PPARG: variants seen among roughly 807,000 people sequenced by gnomAD.
PPARG encodes peroxisome proliferator activated receptor gamma.
Under a neutral mutation model 39.2 loss-of-function variants are expected in PPARG, and 17 were observed. The observed-to-expected ratio is 0.43, with a 90% CI of 0.30 to 0.65. The LOEUF (loss-of-function observed/expected upper bound fraction) is 0.65. PPARG is among the 30% of genes least tolerant of loss of function. PPARG has a pLI of 0.13. For synonymous variants in PPARG, 223 were observed against 215.7 expected (o/e 1.03, Z -0.30); for missense variants, 406 against 585.9 (o/e 0.69, Z 3.17).
intron 2 of PPARG, among the ~76,000 whole-genome samples, chr3:12,358,580 C>G (rs2125111039): frequency 6.6e-6 from 1 of 152,238 alleles, no homozygotes. Context: ...TTACCTAAAG[C>G]CCTGCCTTTA....
intron 2 of PPARG, among the ~76,000 whole-genome samples, chr3:12,359,043 G>A (rs1165664361): frequency 6.6e-6 from 1 of 152,102 alleles, no homozygotes; most frequent in East Asian, 1.9e-4. Flanking sequence ...GATTATTTCA[G>A]GACATGTTAG....
Position 12,369,194 on chromosome 3 carries a change from A to G in PPARG, c.-8-10510A>G, listed in dbSNP as rs115624065. On this transcript the variant is annotated intron_variant, in intron 2 of 7. Transcript: ENST00000651735. ...CATTTACCTTCCTATCTCTAGAATA[A>G]CATACTTACATTAATGGCCAGGCAT... Among the ~76,000 whole-genome samples the G allele has an allele frequency of 7.3e-3, 1,105 of 152,216 alleles. 14 individuals carry two copies. Among genetic ancestry groups the G allele is most frequent in the Admixed American group, 0.012 (177 of 15,280 alleles).
At chr3:12,303,400 C>T (rs192428606) in intron 1 of PPARG, among the ~76,000 whole-genome samples, 1 of 152,198 alleles carries the variant, frequency 6.6e-6, no homozygotes, top group African/African-American at 2.4e-5. Context: ...GGGGTTTCGC[C>T]ATATTAGCTA....
intron 4 of PPARG, among the ~76,000 whole-genome samples, chr3:12,390,994 GAAT>G (rs1172378256): frequency 2.0e-5 from 3 of 152,024 alleles, no homozygotes; most frequent in Non-Finnish European, 4.4e-5. Context: ...CCAAAATTGA[GAAT>G]AATGATTACT....
intron 7 of PPARG, among the ~76,000 whole-genome samples, chr3:12,427,899 A>T (rs1380810946): frequency 1.3e-5 from 2 of 152,074 alleles, no homozygotes; most frequent in Non-Finnish European, 2.9e-5. Flanking sequence ...CTGCAATCAC[A>T]TTTGTTTTGT....
At chr3:12,358,117 A>G (rs1283080648) in intron 2 of PPARG, among the ~76,000 whole-genome samples, 1 of 152,228 alleles carries the variant, frequency 6.6e-6, no homozygotes, top group Non-Finnish European at 1.5e-5. Flanking sequence ...GTTAATTTGC[A>G]CCGTGTCCCT....
intron 1 of PPARG, among the ~76,000 whole-genome samples, chr3:12,307,942 G>C (rs539298533): frequency 6.6e-6 from 1 of 152,194 alleles, no homozygotes; most frequent in African/African-American, 2.4e-5. Flanking sequence ...GATGTGTTAT[G>C]AGTCACAGTG....
intron 2 of PPARG, among the ~76,000 whole-genome samples, chr3:12,342,796 T>G (rs2048220674): frequency 7.0e-6 from 1 of 142,638 alleles, no homozygotes; most frequent in Non-Finnish European, 1.6e-5. Flanking sequence ...TGAAAGGTGG[T>G]TTTTTTTTTT....
chr3:12,293,025 C>T (rs183050228), intron 1 of PPARG, among the ~76,000 whole-genome samples: 3 of 152,304 alleles, frequency 2.0e-5, no homozygotes, highest in Admixed American at 1.3e-4. Flanking sequence ...AGTGGGGAGC[C>T]GTGTTATCTT....
intron 1 of PPARG, chr3:12,301,761 C>T (rs1278780086): frequency 1.3e-5 from 2 of 152,228 alleles, no homozygotes; most frequent in East Asian, 1.9e-4. Flanking sequence ...TGTTCAGCTA[C>T]TAGGGCAAAG....
At chr3:12,310,816 A>G (rs921307868) in intron 1 of PPARG, among the ~76,000 whole-genome samples, 1 of 147,918 alleles carries the variant, frequency 6.8e-6, no homozygotes, top group Non-Finnish European at 1.5e-5. Context: ...AAAAAAAAAA[A>G]AAAAAAAACC....
intron 7 of PPARG, among the ~76,000 whole-genome samples, chr3:12,427,932 A>G (rs1162959316): frequency 6.6e-6 from 1 of 152,142 alleles, no homozygotes; most frequent in Non-Finnish European, 1.5e-5. Flanking sequence ...TTTGGTTTTG[A>G]ACGCCCTAGG....
intron 1 of PPARG, among the ~76,000 whole-genome samples, chr3:12,306,819 G>A (rs373114520): frequency 1.3e-5 from 2 of 152,144 alleles, no homozygotes; most frequent in South Asian, 2.1e-4. Context: ...CCGCTGGGCC[G>A]GGCGCGGTGG....
intron 7 of PPARG, 79 bp from the exon 8 acceptor site, chr3:12,433,819 C>G: frequency 6.2e-7 from 1 of 1,600,338 alleles, no homozygotes; most frequent in Non-Finnish European, 8.5e-7. Flanking sequence ...CTTGGTAGAG[C>G]TGCCTAGGCC....
chr3:12,409,488 C>T (rs753736802), intron 6 of PPARG, among the ~76,000 whole-genome samples: 18 of 151,774 alleles, frequency 1.2e-4, no homozygotes, highest in Non-Finnish European at 1.3e-4. Flanking sequence ...GGTCATGTTA[C>T]TCATTTGATA....
At chr3:12,330,956 G>A (rs532591616) in intron 2 of PPARG, among the ~76,000 whole-genome samples, 24 of 152,264 alleles carry the variant, frequency 1.6e-4, no homozygotes, top group Admixed American at 1.4e-3. Context: ...AATCTAAAAG[G>A]TCATTAGAAA....
intron 2 of PPARG, among the ~76,000 whole-genome samples, chr3:12,337,626 C>A (rs1476531041): frequency 3.3e-5 from 5 of 152,154 alleles, no homozygotes; most frequent in Non-Finnish European, 5.9e-5. Flanking sequence ...TGCCTGAATT[C>A]ATAAACCGAG....
chr3:12,321,592 C>G (rs1466555529), intron 2 of PPARG, among the ~76,000 whole-genome samples: 2 of 152,278 alleles, frequency 1.3e-5, no homozygotes, highest in Admixed American at 1.3e-4. Context: ...CAGATTAACT[C>G]TCTGACCAAG....
intron 6 of PPARG, among the ~76,000 whole-genome samples, chr3:12,410,158 G>GA (rs1265009408): frequency 2.0e-5 from 3 of 152,202 alleles, no homozygotes; most frequent in African/African-American, 7.2e-5. Context: ...CCCTCAATAG[G>GA]ATGGAACTGA....
Sources: gnomAD v4.1 joint callset for allele counts (sites outside exome capture counted in the v4.1 genomes callset) on GRCh38, gnomAD v4.1.1 for gene constraint, MANE v1.5 for transcripts, NCBI Gene and HGNC (gene_info 2026-07-23, HGNC 2026-07-21) for gene names.